Variants in DLC1 observed in about 807,000 individuals in gnomAD.
DLC1 encodes DLC1 Rho GTPase activating protein, also known as rho GTPase-activating protein 7.
DLC1 carries 54 observed loss-of-function variants against 140.3 expected under a neutral mutation model. The ratio of observed to expected loss-of-function variants is 0.38; its 90% CI spans 0.31 to 0.48. The LOEUF is 0.48. Among genes scored for constraint, DLC1 ranks in the 20% least tolerant of loss-of-function variants. The pLI, the probability that DLC1 is intolerant of heterozygous loss-of-function variation, is 0.96. For synonymous variants in DLC1, 986 were observed against 728.1 expected, an observed-to-expected ratio of 1.35 and a Z score of -5.70; for missense variants, 2,536 against 1,907.0, an observed-to-expected ratio of 1.33 and a Z score of -6.14.
At chr8:13,408,540 T>A (rs1563322889) in intron 2 of DLC1, among the ~76,000 whole-genome samples, 1 of 152,188 alleles carries the variant, frequency 6.6e-6, no homozygotes, top group African/African-American at 2.4e-5. Context: ...ATACAGCTCG[T>A]CCTGAGAAGT....
intron 4 of DLC1, among the ~76,000 whole-genome samples, chr8:13,314,926 T>C (rs1165305494): frequency 6.6e-6 from 1 of 152,216 alleles, no homozygotes; most frequent in Non-Finnish European, 1.5e-5. Flanking sequence ...ATATATATTA[T>C]GCGTGGTCTA....
At chr8:13,266,862 G>T (rs1830709250) in intron 5 of DLC1, among the ~76,000 whole-genome samples, 1 of 152,150 alleles carries the variant, frequency 6.6e-6, no homozygotes, top group African/African-American at 2.4e-5. Context: ...ACATTAGAAG[G>T]CCTGATAACT....
At chr8:13,307,264 G>C (rs778420567) in intron 4 of DLC1, among the ~76,000 whole-genome samples, 1 of 152,082 alleles carries the variant, frequency 6.6e-6, no homozygotes, top group Non-Finnish European at 1.5e-5. Context: ...TTAAATGGCA[G>C]CTTGGGGGAT....
chr8:13,566,351 C>T (rs1419864963), intron 1 of DLC1, among the ~76,000 whole-genome samples: 1 of 146,674 alleles, frequency 6.8e-6, no homozygotes, highest in Admixed American at 6.8e-5. Flanking sequence ...TCCTCCCCCG[C>T]CCCTGCTCCC....
chr8:13,164,468 C>G (rs1824956035), intron 5 of DLC1, among the ~76,000 whole-genome samples: 1 of 152,104 alleles, frequency 6.6e-6, no homozygotes, highest in African/African-American at 2.4e-5. Flanking sequence ...GGCAGTAGGG[C>G]TGGTAGTTGG....
intron 2 of DLC1, among the ~76,000 whole-genome samples, chr8:13,414,985 GT>G (rs1563327829): frequency 6.6e-6 from 1 of 151,780 alleles, no homozygotes; most frequent in African/African-American, 2.4e-5. Context: ...TAATTTTTTT[GT>G]TATTTATAGT....
chr8:13,291,446 G>A (rs1177145139), intron 5 of DLC1, among the ~76,000 whole-genome samples: 2 of 137,208 alleles, frequency 1.5e-5, no homozygotes, highest in Non-Finnish European at 3.3e-5. Flanking sequence ...TCTATTATTT[G>A]AGATGAACAA....
chr8:13,417,971 T>G (rs1346261947), intron 2 of DLC1, among the ~76,000 whole-genome samples: 1 of 152,240 alleles, frequency 6.6e-6, no homozygotes, highest in Non-Finnish European at 1.5e-5. Flanking sequence ...CCAGTGATGA[T>G]GAGCATTTTT....
At chr8:13,145,711 A>C (rs1207464347) in intron 5 of DLC1, among the ~76,000 whole-genome samples, 1 of 152,270 alleles carries the variant, frequency 6.6e-6, no homozygotes, top group Non-Finnish European at 1.5e-5. Flanking sequence ...GCATAGCTAC[A>C]TGCAACAACG....
intron 5 of DLC1, chr8:13,305,054 A>G (rs998082548): frequency 8.3e-7 from 1 of 1,200,936 alleles, no homozygotes; most frequent in East Asian, 3.6e-5. Context: ...CAAGAAACAC[A>G]TATCTTATTC....
At chr8:13,106,080 C>G (rs969432172) in intron 7 of DLC1, among the ~76,000 whole-genome samples, 1 of 152,122 alleles carries the variant, frequency 6.6e-6, no homozygotes, top group Non-Finnish European at 1.5e-5. Flanking sequence ...CAACTTCTAC[C>G]CTGCTCTGAA....
At chr8:13,366,928 A>G (rs548059857) in intron 4 of DLC1, among the ~76,000 whole-genome samples, 1 of 151,958 alleles carries the variant, frequency 6.6e-6, no homozygotes, top group Non-Finnish European at 1.5e-5. Context: ...GATGTGTTGC[A>G]TCACTTCCTT....
rs185008850 is a variant in DLC1, at chr8:13,360,686, T to C, written c.1314+32867A>G. Among the ~76,000 whole-genome samples the C allele has an allele frequency of 2.6e-4, 39 of 152,220 alleles. No individual in the cohort carries two copies. The East Asian group carries it at 7.1e-3, about 28-fold the overall frequency. Reference sequence around the variant, plus strand: ...CATAGTGTGATTTTTTTTTCTTTTATAAATAATGTAATTTTCTGATCATAC... The same window carrying C: ...CATAGTGTGATTTTTTTTTCTTTTACAAATAATGTAATTTTCTGATCATAC... On this transcript the variant is annotated intron_variant, in intron 4 of 17. Coordinates refer to ENST00000276297, the MANE Select transcript of DLC1 (RefSeq NM_182643.3).
intron 4 of DLC1, among the ~76,000 whole-genome samples, chr8:13,357,186 G>T (rs1019814001): frequency 2.6e-5 from 4 of 152,090 alleles, no homozygotes; most frequent in Admixed American, 2.6e-4. Flanking sequence ...CCCAGGAATC[G>T]CTTGAACCTG....
chr8:13,130,382 C>T (rs1554580643), intron 5 of DLC1, among the ~76,000 whole-genome samples: 1 of 152,178 alleles, frequency 6.6e-6, no homozygotes, highest in Non-Finnish European at 1.5e-5. Context: ...CTTGTTGAAT[C>T]ACAACATGTC....
chr8:13,195,277 T>C (rs1237126339), intron 5 of DLC1, among the ~76,000 whole-genome samples: 1 of 118,678 alleles, frequency 8.4e-6, no homozygotes, highest in Admixed American at 9.2e-5. Flanking sequence ...CTGTTGAACT[T>C]GACAAATGTA....
chr8:13,103,586 C>T (rs1446999437), intron 7 of DLC1, among the ~76,000 whole-genome samples: 1 of 151,844 alleles, frequency 6.6e-6, no homozygotes, highest in Non-Finnish European at 1.5e-5. Context: ...TGCCTGTAAT[C>T]CCAGCACTTT....
intron 1 of DLC1, among the ~76,000 whole-genome samples, chr8:13,600,564 G>A (rs557449338): frequency 6.6e-6 from 1 of 151,696 alleles, no homozygotes; most frequent in African/African-American, 2.4e-5. Flanking sequence ...ATCACAATGT[G>A]GTACAGATGC....
At chr8:13,435,528 G>C (rs903903637) in intron 2 of DLC1, among the ~76,000 whole-genome samples, 1 of 152,068 alleles carries the variant, frequency 6.6e-6, no homozygotes, top group Non-Finnish European at 1.5e-5. Flanking sequence ...TGGTCAGGCT[G>C]GTCTTGAACT....
Sources: gnomAD v4.1 joint callset for allele counts (sites outside exome capture counted in the v4.1 genomes callset) on GRCh38, gnomAD v4.1.1 for gene constraint, MANE v1.5 for transcripts, NCBI Gene and HGNC (gene_info 2026-07-23, HGNC 2026-07-21) for gene names.